CCNT2: variants seen among roughly 807,000 people sequenced by gnomAD.
CCNT2 encodes cyclin-T2.
A neutral mutation model predicts 70.0 loss-of-function variants in CCNT2; 18 were observed. That is an observed-to-expected ratio of 0.26 (90% CI 0.18 to 0.38). The LOEUF is 0.38. Ranked by LOEUF, CCNT2 falls within the 10% of genes least tolerant of loss-of-function variation. The pLI is 1.00. For missense variants in CCNT2, 734 were observed against 890.2 expected (o/e 0.82, Z 2.23); for synonymous variants, 334 against 313.3 (o/e 1.07, Z -0.70).
At chr2:134,937,866 A>G (rs1223239103) in intron 3 of CCNT2, among the ~76,000 whole-genome samples, 1 of 152,192 alleles carries the variant, frequency 6.6e-6, no homozygotes, top group Non-Finnish European at 1.5e-5. Flanking sequence ...GTGAGCTGAG[A>G]TCGTGCCATT....
At chr2:134,919,062 C>A (rs1397941984) in intron 1 of CCNT2, 50 bp downstream of exon 1, 3 of 1,529,742 alleles carry the variant, frequency 2.0e-6, no homozygotes, top group East Asian at 2.4e-5. Context: ...CTTGCCCGGT[C>A]GCCGGGCCTG....
At chr2:134,946,701 CAAAA>C (rs1322063078) in intron 6 of CCNT2, among the ~76,000 whole-genome samples, 55 of 135,104 alleles carry the variant, frequency 4.1e-4, no homozygotes, top group African/African-American at 1.5e-3. Context: ...TTTTTTTAAA[CAAAA>C]AAACCTTCCT....
At chr2:134,925,737 T>C (rs568725681) in intron 2 of CCNT2, among the ~76,000 whole-genome samples, 10 of 152,322 alleles carry the variant, frequency 6.6e-5, no homozygotes, top group African/African-American at 2.2e-4. Flanking sequence ...TAAGAACATT[T>C]GTGTACAAGT....
chr2:134,928,793 A>G (rs571151841), intron 2 of CCNT2, among the ~76,000 whole-genome samples: 5 of 152,318 alleles, frequency 3.3e-5, no homozygotes, highest in Middle Eastern at 3.4e-3. Flanking sequence ...ATGAAACTTT[A>G]TATAGTTCCA....
At chr2:134,931,348 AATTTTCTTGG>A (rs1680758610) in intron 2 of CCNT2, among the ~76,000 whole-genome samples, 1 of 143,066 alleles carries the variant, frequency 7.0e-6, no homozygotes, top group Admixed American at 7.3e-5. Flanking sequence ...TCTCCCACTG[AATTTTCTTGG>A]GATTGTTAGT....
chr2:134,935,533 C>A (rs1681084257), intron 2 of CCNT2, among the ~76,000 whole-genome samples: 1 of 152,166 alleles, frequency 6.6e-6, no homozygotes, highest in Non-Finnish European at 1.5e-5. Flanking sequence ...ATTGTTGACG[C>A]CCCCTGCAAG....
At chr2:134,929,223 G>A (rs1680536432) in intron 2 of CCNT2, among the ~76,000 whole-genome samples, 1 of 152,130 alleles carries the variant, frequency 6.6e-6, no homozygotes, top group African/African-American at 2.4e-5. Context: ...ACATGGTTAA[G>A]ATGCATATTG....
chr2:134,927,453 G>T (rs760591885), intron 2 of CCNT2, among the ~76,000 whole-genome samples: 12 of 152,144 alleles, frequency 7.9e-5, no homozygotes, highest in Non-Finnish European at 1.5e-4. Context: ...TGGCAGGAGT[G>T]CAAGAGAGTG....
intron 6 of CCNT2, among the ~76,000 whole-genome samples, chr2:134,946,848 A>G (rs183174571): frequency 6.6e-6 from 1 of 152,198 alleles, no homozygotes; most frequent in Non-Finnish European, 1.5e-5. Flanking sequence ...TTTATTAATG[A>G]TTTAAATTTG....
At chr2:134,934,500 A>G (rs1340987899) in intron 2 of CCNT2, among the ~76,000 whole-genome samples, 1 of 152,230 alleles carries the variant, frequency 6.6e-6, no homozygotes. Context: ...TCACAACAAA[A>G]TCACCTTCCA....
chr2:134,945,140 C>A, intron 5 of CCNT2: 1 of 985,418 alleles, frequency 1.0e-6, no homozygotes, highest in Non-Finnish European at 1.2e-6. Flanking sequence ...CTCTGCTAAA[C>A]CCCAATCCCT....
At chr2:134,921,983 A>G (rs1390001640) in intron 2 of CCNT2, among the ~76,000 whole-genome samples, 1 of 152,184 alleles carries the variant, frequency 6.6e-6, no homozygotes, top group Non-Finnish European at 1.5e-5. Flanking sequence ...CTTTGCTATT[A>G]TAATATCAAA....
In CCNT2 at chr2:134,954,621, G is replaced by C; in HGVS notation, c.2166G>C (p.Leu722=). 1 of 1,607,396 alleles carries C rather than the reference G, an allele frequency of 6.2e-7. No individual in the cohort carries two copies. The highest frequency in any genetic ancestry group is 8.5e-7 in the Non-Finnish European group (1 of 1,174,274). The stretch of plus-strand genomic sequence containing the variant: ...ACACATTCGACATGCTGGACTCACT[G>C]TTAAGTGCCCAAGGAATGAACATGT... ...YKDTFDMLDS[L]LSAQGMNM Residue 722 remains leucine (L), a synonymous_variant, in exon 9 of 9, where the codon CTG becomes CTC. Transcript: ENST00000264157.
chr2:134,950,074 G>C (rs1682350672), intron 7 of CCNT2, among the ~76,000 whole-genome samples: 1 of 152,170 alleles, frequency 6.6e-6, no homozygotes, highest in Non-Finnish European at 1.5e-5. Context: ...TTACAGGCGT[G>C]AACCACCACA....
intron 2 of CCNT2, among the ~76,000 whole-genome samples, chr2:134,927,950 C>T (rs1454771925): frequency 4.6e-5 from 7 of 152,124 alleles, no homozygotes; most frequent in Admixed American, 1.3e-4. Flanking sequence ...GTGAATTTTT[C>T]TCTAAATTAT....
chr2:134,942,569 T>C, intron 4 of CCNT2, 43 bp from the exon 5 acceptor site: 2 of 1,422,380 alleles, frequency 1.4e-6, no homozygotes, highest in Non-Finnish European at 2.0e-6. Context: ...AGGCAAGTAC[T>C]GTAGTGGTAA....
chr2:134,918,873 G>C lies in CCNT2; in HGVS notation c.19G>C (p.Ala7Pro). 1 of 1,613,726 alleles carries C rather than the reference G, an allele frequency of 6.2e-7. No individual in the cohort carries two copies. Among genetic ancestry groups the C allele is most frequent in the Non-Finnish European group, 8.5e-7 (1 of 1,179,756 alleles). MASGRG[A>P]SSRWFFTREQ... ...AAGTGTCATGGCGTCGGGCCGTGGA[G>C]CTTCTTCTCGCTGGTTCTTTACTCG... Residue 7 changes from alanine (A) to proline (P), a missense_variant, in exon 1 of 9, where the codon GCT (alanine) becomes CCT (proline). Ala to Pro is a conservative substitution (Grantham distance 27, BLOSUM62 -1). This residue lies in a region of CCNT2 where 41 missense variants were observed against 29.5 expected (regional missense o/e 1.39). Transcript: ENST00000264157.
intron 2 of CCNT2, among the ~76,000 whole-genome samples, chr2:134,935,733 AT>A (rs1681099173): frequency 6.6e-6 from 1 of 151,888 alleles, no homozygotes; most frequent in Admixed American, 6.6e-5. Context: ...TTCAAACTTC[AT>A]GTTTCTCTGT....
intron 2 of CCNT2, 61 bp from the exon 3 acceptor site, chr2:134,936,780 A>G: frequency 6.7e-7 from 1 of 1,486,798 alleles, no homozygotes. Flanking sequence ...AAGAAAAGAA[A>G]ATAGAGGGTT....
Sources: allele counts gnomAD v4.1 joint callset (sites outside exome capture counted in the v4.1 genomes callset), GRCh38; gene constraint gnomAD v4.1.1; regional missense constraint gnomAD v4.1.1; transcripts MANE v1.5; gene names NCBI Gene and HGNC (gene_info 2026-07-23, HGNC 2026-07-21).